The following FRMD4B variants were observed in gnomAD, a reference collection of about 807,000 sequenced individuals.
FRMD4B encodes the protein FERM domain-containing protein 4B.
FRMD4B carries 74 observed loss-of-function variants against 141.5 expected under a neutral mutation model. The observed-to-expected ratio is 0.52, with a 90% CI of 0.43 to 0.63. FRMD4B has a LOEUF of 0.63. Ranked by LOEUF, FRMD4B falls within the 30% of genes least tolerant of loss-of-function variation. The pLI is 0.00. For missense variants in FRMD4B, 1,366 were observed against 1,253.4 expected (o/e 1.09, Z -1.36); for synonymous variants, 506 against 467.9 (o/e 1.08, Z -1.05).
At chr3:69,359,152 C>CA (rs1429403609) in intron 1 of FRMD4B, among the ~76,000 whole-genome samples, 1 of 151,946 alleles carries the variant, frequency 6.6e-6, no homozygotes, top group African/African-American at 2.4e-5. Context: ...TGGCATGAAA[C>CA]AAAAAATAAT....
chr3:69,487,289 G>C (rs1706230111), intron 1 of FRMD4B, among the ~76,000 whole-genome samples: 1 of 152,162 alleles, frequency 6.6e-6, no homozygotes, highest in Non-Finnish European at 1.5e-5. Flanking sequence ...ATCTTCAAAA[G>C]CTTTCTTTGT....
chr3:69,343,487 G>A (rs1007205487), intron 1 of FRMD4B, among the ~76,000 whole-genome samples: 2 of 151,488 alleles, frequency 1.3e-5, no homozygotes, highest in Non-Finnish European at 2.9e-5. Flanking sequence ...ATTCCTACCT[G>A]GATATACCCC....
At chr3:69,258,797 G>T (rs934271159) in intron 5 of FRMD4B, among the ~76,000 whole-genome samples, 2 of 152,044 alleles carry the variant, frequency 1.3e-5, no homozygotes, top group East Asian at 3.9e-4. Context: ...TGATTGGACT[G>T]GGACCTATCT....
chr3:69,373,477 T>A (rs956280683), intron 1 of FRMD4B, among the ~76,000 whole-genome samples: 6 of 152,226 alleles, frequency 3.9e-5, no homozygotes, highest in Non-Finnish European at 8.8e-5. Flanking sequence ...ATTTGCCAAA[T>A]GAGTTTAATT....
intron 1 of FRMD4B, among the ~76,000 whole-genome samples, chr3:69,489,738 C>T (rs952422485): frequency 6.6e-6 from 1 of 152,168 alleles, no homozygotes; most frequent in African/African-American, 2.4e-5. Context: ...TAGGTATCCA[C>T]TGGAGAGAAA....
chr3:69,254,208 G>A (rs989093650), intron 5 of FRMD4B, among the ~76,000 whole-genome samples: 11 of 152,014 alleles, frequency 7.2e-5, no homozygotes, highest in East Asian at 1.9e-4. Context: ...GAGTTCAAGC[G>A]ATTCTCCTGC....
At chr3:69,363,392 CT>C (rs1270266886) in intron 1 of FRMD4B, among the ~76,000 whole-genome samples, 3,158 of 136,304 alleles carry the variant, frequency 0.023, 47 homozygotes, top group African/African-American at 0.049. Flanking sequence ...GCCTCCATGC[CT>C]TTTTTTTTTT....
At chr3:69,195,429 A>G (rs1340159771) in intron 14 of FRMD4B, 65 bp from the exon 15 acceptor site, 1 of 1,371,060 alleles carries the variant, frequency 7.3e-7, no homozygotes, top group African/African-American at 1.5e-5. Flanking sequence ...TCTAAGGGAC[A>G]AAGGATTTTT....
intron 22 of FRMD4B, among the ~76,000 whole-genome samples, chr3:69,174,034 G>C (rs2092617207): frequency 6.6e-6 from 1 of 152,066 alleles, no homozygotes; most frequent in South Asian, 2.1e-4. Flanking sequence ...CTACTTGGGA[G>C]GCTGAGGCAG....
chr3:69,234,062 A>G (rs147637724), intron 7 of FRMD4B, among the ~76,000 whole-genome samples: 55 of 151,678 alleles, frequency 3.6e-4, no homozygotes, highest in African/African-American at 1.2e-3. Context: ...GCCTGGCCAA[A>G]TGGTGAAACT....
At chr3:69,280,814 T>G (rs7617757) in intron 5 of FRMD4B, among the ~76,000 whole-genome samples, 1 of 151,718 alleles carries the variant, frequency 6.6e-6, no homozygotes, top group Admixed American at 6.6e-5. Flanking sequence ...GAGATGGAGT[T>G]CACTATGTTG....
At chr3:69,394,691 C>A (rs1452701866) in intron 2 of FRMD4B, among the ~76,000 whole-genome samples, 1 of 152,168 alleles carries the variant, frequency 6.6e-6, no homozygotes, top group East Asian at 1.9e-4. Context: ...GATTATAAAT[C>A]ATTCTACTAT....
intron 21 of FRMD4B, among the ~76,000 whole-genome samples, chr3:69,178,048 C>T (rs1218120846): frequency 6.6e-6 from 1 of 152,216 alleles, no homozygotes; most frequent in African/African-American, 2.4e-5. Context: ...CGAAGCCCAA[C>T]AAATGCCTCA....
In FRMD4B at chr3:69,234,266, T is replaced by G. The variant is rs572304562; in HGVS notation, c.582-9576A>C. ...TCTCAAAAAAAAAAAAAAAAAAGTG[T>G]ATTAAATGTCTGTTACATAGGTGTA... On this transcript the variant is annotated intron_variant, in intron 7 of 22. Transcript: ENST00000398540. Among the ~76,000 whole-genome samples, 187 of 149,772 alleles carry G rather than the reference T, an allele frequency of 1.2e-3. 1 individual carries two copies. The highest frequency in any genetic ancestry group is 4.5e-3 in the African/African-American group (183 of 40,836).
intron 2 of FRMD4B, among the ~76,000 whole-genome samples, chr3:69,413,877 T>A (rs1704803750): frequency 6.6e-6 from 1 of 152,130 alleles, no homozygotes; most frequent in Non-Finnish European, 1.5e-5. Flanking sequence ...CTCAGAGATG[T>A]AAGAAAAAAG....
At chr3:69,176,755 G>T in intron 21 of FRMD4B, 99 bp from the exon 22 acceptor site, 1 of 782,000 alleles carries the variant, frequency 1.3e-6, no homozygotes, top group Non-Finnish European at 2.1e-6. Context: ...CTTTGTCAGA[G>T]GAGAAATTTA....
At chr3:69,234,720 C>G (rs1241645473) in intron 7 of FRMD4B, among the ~76,000 whole-genome samples, 2 of 152,158 alleles carry the variant, frequency 1.3e-5, no homozygotes, top group Admixed American at 1.3e-4. Context: ...TCAACATTAT[C>G]GGATGACTTT....
chr3:69,475,935 T>A (rs1479048997), intron 1 of FRMD4B, among the ~76,000 whole-genome samples: 1 of 151,854 alleles, frequency 6.6e-6, no homozygotes, highest in Non-Finnish European at 1.5e-5. Flanking sequence ...GTGGTTTTGA[T>A]TTGCATTTCT....
At position 69,171,496 on chromosome 3, in the gene FRMD4B, G is replaced by A. The variant is rs1358979986; in HGVS notation, c.*365C>T. 1 of 180,294 alleles carries A rather than the reference G, an allele frequency of 5.5e-6. No individual in the cohort carries two copies. Among genetic ancestry groups the A allele is most frequent in the African/African-American group, 2.4e-5 (1 of 41,902 alleles). 11.2% of individuals were successfully genotyped at this position (180,294 alleles called of 1,614,324 possible). A position where few individuals can be genotyped will look rare whatever the true frequency, so the allele number is the denominator to read the frequency against. On this transcript the variant is annotated 3_prime_UTR_variant, in exon 23 of 23. Coordinates refer to ENST00000398540, the MANE Select transcript of FRMD4B (RefSeq NM_015123.3). ...CTCTGAGATTTCCCCTGTTCTTATTGCCATGGGACATCCTGAATGCCCTTT... is the reference window on the plus strand; with the variant it reads ...CTCTGAGATTTCCCCTGTTCTTATTACCATGGGACATCCTGAATGCCCTTT...
Sources: gnomAD v4.1 joint callset for allele counts (sites outside exome capture counted in the v4.1 genomes callset) on GRCh38, gnomAD v4.1.1 for gene constraint, MANE v1.5 for transcripts, NCBI Gene and HGNC (gene_info 2026-07-23, HGNC 2026-07-21) for gene names.